The following CTNND2 variants were observed in gnomAD, a reference collection of about 807,000 sequenced individuals.
CTNND2 encodes catenin delta 2.
CTNND2 carries 22 observed loss-of-function variants against 144.4 expected under a neutral mutation model. That is an observed-to-expected ratio of 0.15 (90% CI 0.11 to 0.22). CTNND2 has a LOEUF of 0.22. Ranked by LOEUF, CTNND2 falls within the 10% of genes least tolerant of loss-of-function variation. CTNND2 has a pLI of 1.00. For missense variants in CTNND2, 1,353 were observed against 1,618.8 expected (o/e 0.84, Z 2.82); for synonymous variants, 751 against 695.6 (o/e 1.08, Z -1.25).
chr5:11,226,144 T>C (rs1328241816), intron 10 of CTNND2, among the ~76,000 whole-genome samples: 1 of 152,220 alleles, frequency 6.6e-6, no homozygotes, highest in Non-Finnish European at 1.5e-5. Context: ...ATTTCCATTG[T>C]TCCACATCTC....
At chr5:11,001,705 G>T (rs1739983074) in intron 18 of CTNND2, among the ~76,000 whole-genome samples, 1 of 152,226 alleles carries the variant, frequency 6.6e-6, no homozygotes, top group East Asian at 1.9e-4. Flanking sequence ...TGGTAGATCT[G>T]TCTTTTATGA....
chr5:11,051,614 CA>C (rs1333761865), intron 16 of CTNND2, among the ~76,000 whole-genome samples: 3 of 152,158 alleles, frequency 2.0e-5, no homozygotes, highest in Non-Finnish European at 4.4e-5. Context: ...ATCAGAATTG[CA>C]AAAGATTTTT....
intron 16 of CTNND2, among the ~76,000 whole-genome samples, chr5:11,063,720 G>A (rs1747243918): frequency 6.6e-6 from 1 of 151,080 alleles, no homozygotes. Context: ...TTTAAAAGAG[G>A]GATGTGTCAG....
At chr5:11,522,532 C>T (rs1425312690) in intron 3 of CTNND2, among the ~76,000 whole-genome samples, 1 of 152,148 alleles carries the variant, frequency 6.6e-6, no homozygotes, top group Non-Finnish European at 1.5e-5. Flanking sequence ...TATACCCGGG[C>T]TCTATCTACA....
chr5:11,485,395 G>A (rs557457932), intron 3 of CTNND2, among the ~76,000 whole-genome samples: 10 of 151,482 alleles, frequency 6.6e-5, no homozygotes, highest in African/African-American at 1.2e-4. Flanking sequence ...GCGTGCGCGC[G>A]CACATTCAAT....
intron 1 of CTNND2, among the ~76,000 whole-genome samples, chr5:11,778,232 G>A (rs888125833): frequency 3.9e-5 from 6 of 151,974 alleles, no homozygotes; most frequent in Admixed American, 6.6e-5. Flanking sequence ...CATCCTAGTT[G>A]TCCTTCTGTC....
intron 3 of CTNND2, among the ~76,000 whole-genome samples, chr5:11,525,129 C>T (rs1773119575): frequency 6.6e-6 from 1 of 152,188 alleles, no homozygotes; most frequent in Non-Finnish European, 1.5e-5. Flanking sequence ...TCCTACCTTC[C>T]TTATGACACA....
intron 2 of CTNND2, among the ~76,000 whole-genome samples, chr5:11,704,887 T>G (rs912633705): frequency 2.6e-5 from 4 of 151,748 alleles, no homozygotes; most frequent in African/African-American, 7.3e-5. Context: ...GGAAAATATC[T>G]ACAATACAAA....
intron 15 of CTNND2, among the ~76,000 whole-genome samples, chr5:11,096,318 C>T (rs917644335): frequency 6.6e-6 from 1 of 152,104 alleles, no homozygotes; most frequent in Admixed American, 6.5e-5. Context: ...CTCTCCTAGC[C>T]CCCCACCCCT....
At chr5:11,636,505 C>T (rs532493149) in intron 2 of CTNND2, among the ~76,000 whole-genome samples, 182 of 152,276 alleles carry the variant, frequency 1.2e-3, no homozygotes, top group African/African-American at 3.8e-3. Context: ...GTCATCCAAA[C>T]GGCTAATATA....
At chr5:11,041,229 CT>C (rs1383311679) in intron 16 of CTNND2, among the ~76,000 whole-genome samples, 1 of 152,172 alleles carries the variant, frequency 6.6e-6, no homozygotes, top group African/African-American at 2.4e-5. Flanking sequence ...AGGGAATCAT[CT>C]GTTGGTTTTC....
At chr5:11,800,605 A>G (rs1055783614) in intron 1 of CTNND2, among the ~76,000 whole-genome samples, 10 of 152,162 alleles carry the variant, frequency 6.6e-5, no homozygotes, top group Non-Finnish European at 1.5e-4. Context: ...GAAAAGGCAT[A>G]CCCTTCCGTC....
intron 9 of CTNND2, among the ~76,000 whole-genome samples, chr5:11,331,076 T>C (rs1753099796): frequency 6.6e-6 from 1 of 152,230 alleles, no homozygotes; most frequent in African/African-American, 2.4e-5. Flanking sequence ...TCCCATGCTT[T>C]GTATTTTCTT....
intron 3 of CTNND2, among the ~76,000 whole-genome samples, chr5:11,461,030 G>A (rs1048592747): frequency 2.0e-5 from 3 of 151,048 alleles, no homozygotes; most frequent in African/African-American, 4.9e-5. Context: ...GCGACAGAGC[G>A]AGACTCTGGA....
intron 12 of CTNND2, among the ~76,000 whole-genome samples, chr5:11,125,297 A>G (rs1034220139): frequency 3.3e-5 from 5 of 152,190 alleles, no homozygotes; most frequent in African/African-American, 1.2e-4. Flanking sequence ...CATCCCCTTC[A>G]TTCTTCCACG....
At chr5:11,004,178 T>C (rs535869271) in intron 18 of CTNND2, among the ~76,000 whole-genome samples, 15 of 152,314 alleles carry the variant, frequency 9.8e-5, no homozygotes, top group African/African-American at 2.9e-4. Context: ...AATAAGACCA[T>C]ATCAGTCCTC....
intron 3 of CTNND2, among the ~76,000 whole-genome samples, chr5:11,518,232 T>C (rs32627): frequency 0.63 from 95,759 of 151,974 alleles, 31,146 homozygotes; most frequent in African/African-American, 0.78. Flanking sequence ...TGTGCTTGTG[T>C]CTTAGTTTTT....
At chr5:11,774,349 A>G (rs1456204371) in intron 1 of CTNND2, among the ~76,000 whole-genome samples, 7 of 135,750 alleles carry the variant, frequency 5.2e-5, no homozygotes, top group Non-Finnish European at 7.6e-5. Context: ...TTCTTAATCC[A>G]TGAGATCACA....
intron 12 of CTNND2, among the ~76,000 whole-genome samples, chr5:11,132,340 G>A (rs998391655): frequency 2.0e-5 from 3 of 152,190 alleles, no homozygotes; most frequent in East Asian, 1.9e-4. Context: ...CTGAATGTTT[G>A]TGTCCTCCAA....
Sources: allele counts gnomAD v4.1 joint callset (sites outside exome capture counted in the v4.1 genomes callset), GRCh38; gene constraint gnomAD v4.1.1; transcripts MANE v1.5; gene names NCBI Gene and HGNC (gene_info 2026-07-23, HGNC 2026-07-21).